Variants in NMNAT2 observed in about 807,000 individuals in gnomAD.
The protein encoded by NMNAT2 is nicotinamide nucleotide adenylyltransferase 2.
NMNAT2 carries 11 observed loss-of-function variants against 41.6 expected under a neutral mutation model. That is an observed-to-expected ratio of 0.26 (90% CI 0.17 to 0.44). The LOEUF (loss-of-function observed/expected upper bound fraction) is 0.44, where lower values mean the gene tolerates loss of function less well. NMNAT2 is among the 20% of genes least tolerant of loss of function. The pLI, the probability that NMNAT2 is intolerant of heterozygous loss-of-function variation, is 1.00. For missense variants in NMNAT2, 288 were observed against 407.7 expected, an observed-to-expected ratio of 0.71 and a Z score of 2.53; for synonymous variants, 148 against 151.2, an observed-to-expected ratio of 0.98 and a Z score of 0.16.
intron 1 of NMNAT2, among the ~76,000 whole-genome samples, chr1:183,379,277 C>A (rs755425942): frequency 6.6e-6 from 1 of 152,060 alleles, no homozygotes; most frequent in Non-Finnish European, 1.5e-5. Flanking sequence ...ACCTCCTGGG[C>A]TAAAGCAATC....
chr1:183,286,250 GTTA>G (rs948725116), intron 5 of NMNAT2, among the ~76,000 whole-genome samples: 3 of 151,284 alleles, frequency 2.0e-5, no homozygotes, highest in Non-Finnish European at 1.5e-5. Context: ...TTTTGTTATT[GTTA>G]TTATTATTAT....
intron 1 of NMNAT2, among the ~76,000 whole-genome samples, chr1:183,361,981 A>C (rs987496695): frequency 6.6e-6 from 1 of 152,198 alleles, no homozygotes; most frequent in African/African-American, 2.4e-5. Flanking sequence ...TCTTTTGCCC[A>C]TGCTGGAGTG....
intron 1 of NMNAT2, among the ~76,000 whole-genome samples, chr1:183,345,266 C>A (rs1662903361): frequency 6.6e-6 from 1 of 152,046 alleles, no homozygotes; most frequent in Non-Finnish European, 1.5e-5. Context: ...TTGACCCCTC[C>A]AAAATTATGT....
intron 1 of NMNAT2, among the ~76,000 whole-genome samples, chr1:183,385,177 G>A (rs911660197): frequency 2.6e-5 from 4 of 152,076 alleles, no homozygotes; most frequent in African/African-American, 9.7e-5. Flanking sequence ...ACTCCAATCT[G>A]GGTAACAGAG....
At chr1:183,337,533 C>T (rs530396) in intron 1 of NMNAT2, among the ~76,000 whole-genome samples, 103,251 of 145,262 alleles carry the variant, frequency 0.71, 36,835 homozygotes, top group East Asian at 0.9. Context: ...CTAGGTTTGC[C>T]TACTACCAAT....
chr1:183,326,375 CAAAAAAAAAAAAA>C (rs58330585), intron 1 of NMNAT2, among the ~76,000 whole-genome samples: 2 of 69,152 alleles, frequency 2.9e-5, no homozygotes, highest in African/African-American at 6.1e-5. Context: ...GACTCCATCT[CAAAAAAAAAAAAA>C]AAAAAAAAAA....
intron 1 of NMNAT2, among the ~76,000 whole-genome samples, chr1:183,319,912 T>C (rs1028852185): frequency 1.3e-5 from 2 of 152,196 alleles, no homozygotes; most frequent in African/African-American, 2.4e-5. Context: ...ACTTATCTCA[T>C]TATGGTAGGA....
intron 1 of NMNAT2, among the ~76,000 whole-genome samples, chr1:183,326,520 G>A (rs773713969): frequency 6.6e-6 from 1 of 152,092 alleles, no homozygotes; most frequent in Non-Finnish European, 1.5e-5. Context: ...TAGAAGCTTA[G>A]CTTTCCATAT....
chr1:183,295,780 G>A (rs1413455269), intron 1 of NMNAT2, among the ~76,000 whole-genome samples: 1 of 152,046 alleles, frequency 6.6e-6, no homozygotes, highest in Non-Finnish European at 1.5e-5. Flanking sequence ...ACCCTCTTTG[G>A]ACTTGCTGTT....
At chr1:183,351,940 A>C (rs1202469646) in intron 1 of NMNAT2, among the ~76,000 whole-genome samples, 1 of 152,202 alleles carries the variant, frequency 6.6e-6, no homozygotes. Flanking sequence ...TGACCTGAGC[A>C]TCAAGACAGT....
At chr1:183,257,022 G>A (rs754142615) in intron 10 of NMNAT2, among the ~76,000 whole-genome samples, 16 of 152,096 alleles carry the variant, frequency 1.1e-4, no homozygotes, top group Non-Finnish European at 1.9e-4. Context: ...AAAGTGCTAG[G>A]ATTACAGGCA....
chr1:183,329,826 C>T (rs1480393910), intron 1 of NMNAT2, among the ~76,000 whole-genome samples: 2 of 152,156 alleles, frequency 1.3e-5, no homozygotes, highest in African/African-American at 4.8e-5. Context: ...TAGAAGTCAT[C>T]TAATCTACTC....
intron 1 of NMNAT2, among the ~76,000 whole-genome samples, chr1:183,352,911 A>C (rs897662371): frequency 6.6e-6 from 1 of 152,208 alleles, no homozygotes; most frequent in Non-Finnish European, 1.5e-5. Flanking sequence ...ATGAAGTGCT[A>C]AGGGGCCTGC....
chr1:183,261,177 T>G (rs199615434), intron 9 of NMNAT2, 25 bp downstream of exon 9: 27 of 1,609,602 alleles, frequency 1.7e-5, no homozygotes, highest in Non-Finnish European at 4.3e-6. Context: ...ATAACACAGA[T>G]GCACTAGCAG....
In NMNAT2 at chr1:183,357,323, G is replaced by A. The variant is rs189322836; in HGVS notation, c.85+60860C>T. On this transcript the variant is annotated intron_variant, in intron 1 of 10. Coordinates refer to ENST00000287713, the MANE Select transcript of NMNAT2 (RefSeq NM_015039.4). ...TGGCTCACTGCAAGCTCCGCCTCCC[G>A]GGTTCACACCATTCTCCTGCCTCAG... Among the ~76,000 whole-genome samples the A allele has an allele frequency of 9.1e-3, 1,310 of 143,628 alleles. 14 individuals carry two copies. The highest frequency in any genetic ancestry group is 0.016 in the Non-Finnish European group (1,078 of 66,624). 94.2% of individuals were successfully genotyped at this position (143,628 alleles called of 152,430 possible).
intron 1 of NMNAT2, among the ~76,000 whole-genome samples, chr1:183,393,194 C>T (rs1648531048): frequency 6.6e-6 from 1 of 152,194 alleles, no homozygotes; most frequent in Non-Finnish European, 1.5e-5. Context: ...GATTATATAA[C>T]TTCAGTTGTC....
intron 1 of NMNAT2, among the ~76,000 whole-genome samples, chr1:183,397,063 C>G (rs1300764830): frequency 1.3e-5 from 2 of 152,186 alleles, no homozygotes; most frequent in Non-Finnish European, 2.9e-5. Flanking sequence ...CGAACACTTG[C>G]TGTGGGGCTT....
chr1:183,363,206 G>A (rs1193283852), intron 1 of NMNAT2, among the ~76,000 whole-genome samples: 1 of 152,136 alleles, frequency 6.6e-6, no homozygotes, highest in Non-Finnish European at 1.5e-5. Context: ...AAGATCACAG[G>A]CTTACCTGTA....
chr1:183,291,063 C>T (rs1661527625), intron 3 of NMNAT2, among the ~76,000 whole-genome samples: 1 of 152,152 alleles, frequency 6.6e-6, no homozygotes, highest in Admixed American at 6.5e-5. Context: ...ACTACAGGCA[C>T]ATGCCACCAT....
Sources: allele counts gnomAD v4.1 joint callset (sites outside exome capture counted in the v4.1 genomes callset), GRCh38; gene constraint gnomAD v4.1.1; transcripts MANE v1.5; gene names NCBI Gene and HGNC (gene_info 2026-07-23, HGNC 2026-07-21).